The following PHLPP1 variants were observed in gnomAD, a reference collection of about 807,000 sequenced individuals.
PHLPP1 encodes PH domain and leucine rich repeat protein phosphatase 1.
Under a neutral mutation model 117.2 loss-of-function variants are expected in PHLPP1, and 42 were observed. That is an observed-to-expected ratio of 0.36 (90% CI 0.28 to 0.46). The LOEUF is 0.46. Ranked by LOEUF, PHLPP1 falls within the 20% of genes least tolerant of loss-of-function variation. PHLPP1 has a pLI of 1.00. For missense variants in PHLPP1, 2,084 were observed against 2,241.9 expected (o/e 0.93, Z 1.42); for synonymous variants, 1,042 against 970.7 (o/e 1.07, Z -1.37).
chr18:62,761,180 A>G (rs958242818), intron 1 of PHLPP1, among the ~76,000 whole-genome samples: 1 of 152,048 alleles, frequency 6.6e-6, no homozygotes, highest in Non-Finnish European at 1.5e-5. Context: ...TGGCATTTTT[A>G]ATAACAATGC....
intron 11 of PHLPP1, among the ~76,000 whole-genome samples, chr18:62,944,764 C>A (rs1362538204): frequency 6.6e-6 from 1 of 152,198 alleles, no homozygotes; most frequent in Non-Finnish European, 1.5e-5. Flanking sequence ...TGTATTAGTG[C>A]TGGCTTTTGA....
In PHLPP1 at chr18:62,721,154, G is replaced by A. The variant is rs529925181; in HGVS notation, c.1576+3895G>A. ...CCTCTAGTTCAAAGTGGTATTTCTT[G>A]TGAAATGTGGATGGTTCTGTTTATC... On this transcript the variant is annotated intron_variant, in intron 1 of 16. Coordinates refer to ENST00000262719, the MANE Select transcript of PHLPP1 (RefSeq NM_194449.4). 3.3e-5 allele frequency among the ~76,000 whole-genome samples: 5 copies of A among 152,240 alleles called. No homozygotes were observed. In the South Asian group the frequency reaches 8.3e-4, roughly 25 times the overall value.
chr18:62,882,957 A>G (rs1006491720), intron 4 of PHLPP1, among the ~76,000 whole-genome samples: 6 of 151,254 alleles, frequency 4.0e-5, no homozygotes, highest in African/African-American at 1.2e-4. Flanking sequence ...AAAAAAAAAA[A>G]AAAAAGAAAA....
chr18:62,836,909 A>T (rs1003026454), intron 2 of PHLPP1, among the ~76,000 whole-genome samples: 9 of 152,052 alleles, frequency 5.9e-5, no homozygotes, highest in African/African-American at 1.9e-4. Flanking sequence ...GTGAGCTAAG[A>T]TTGCACCACT....
At chr18:62,836,710 A>G (rs901792523) in intron 2 of PHLPP1, among the ~76,000 whole-genome samples, 3 of 151,098 alleles carry the variant, frequency 2.0e-5, no homozygotes, top group Non-Finnish European at 4.4e-5. Context: ...TTACCTGTAA[A>G]GCTATATGGG....
chr18:62,931,599 CA>C (rs35511144), intron 10 of PHLPP1, among the ~76,000 whole-genome samples: 36 of 141,488 alleles, frequency 2.5e-4, no homozygotes, highest in Admixed American at 3.5e-4. Context: ...GCTAGATTAA[CA>C]AAAAAAAAAA....
At chr18:62,912,236 G>A (rs1183723850) in intron 8 of PHLPP1, among the ~76,000 whole-genome samples, 1 of 148,982 alleles carries the variant, frequency 6.7e-6, no homozygotes, top group Non-Finnish European at 1.5e-5. Context: ...GCACTAGCAT[G>A]GGACATGTAT....
At chr18:62,922,576 C>G (rs900596746) in intron 10 of PHLPP1, among the ~76,000 whole-genome samples, 5 of 152,124 alleles carry the variant, frequency 3.3e-5, no homozygotes, top group African/African-American at 1.2e-4. Context: ...TAATGAGAAT[C>G]CACTTGTTCC....
chr18:62,920,366 T>G (rs1820087676), intron 10 of PHLPP1, among the ~76,000 whole-genome samples: 1 of 152,196 alleles, frequency 6.6e-6, no homozygotes, highest in African/African-American at 2.4e-5. Flanking sequence ...ACATGTGTCA[T>G]GGGGATGTAG....
At chr18:62,797,948 T>C (rs142972004) in intron 1 of PHLPP1, among the ~76,000 whole-genome samples, 35 of 152,342 alleles carry the variant, frequency 2.3e-4, no homozygotes, top group African/African-American at 7.0e-4. Context: ...AAATATTTCC[T>C]GTTACATAGT....
intron 1 of PHLPP1, among the ~76,000 whole-genome samples, chr18:62,748,531 C>T (rs1352452523): frequency 9.9e-5 from 15 of 152,114 alleles, no homozygotes; most frequent in Admixed American, 9.2e-4. Flanking sequence ...CAGGGGTGAG[C>T]CACCACGCCC....
intron 1 of PHLPP1, chr18:62,824,152 T>C: frequency 2.2e-6 from 1 of 444,946 alleles, no homozygotes. Context: ...AAAAAAATGT[T>C]GACAGGGATG....
intron 1 of PHLPP1, among the ~76,000 whole-genome samples, chr18:62,808,558 T>C (rs917716856): frequency 6.9e-6 from 1 of 144,544 alleles, no homozygotes; most frequent in South Asian, 2.2e-4. Context: ...TTTTTTTTTG[T>C]TTTTTTTTTT....
intron 3 of PHLPP1, among the ~76,000 whole-genome samples, chr18:62,850,439 A>G (rs932917110): frequency 3.3e-5 from 5 of 151,842 alleles, no homozygotes; most frequent in Non-Finnish European, 7.4e-5. Context: ...GAACCACTTG[A>G]ATAGTATTTG....
chr18:62,965,634 T>G (rs1910879801), intron 14 of PHLPP1, among the ~76,000 whole-genome samples: 1 of 151,474 alleles, frequency 6.6e-6, no homozygotes, highest in Middle Eastern at 3.4e-3. Flanking sequence ...AATTTTTGTA[T>G]TTTTAGTAGA....
At chr18:62,818,745 G>A (rs887415797) in intron 1 of PHLPP1, among the ~76,000 whole-genome samples, 6 of 152,176 alleles carry the variant, frequency 3.9e-5, no homozygotes, top group African/African-American at 1.2e-4. Flanking sequence ...TCTCTTCCAA[G>A]GTAATGTGCT....
At chr18:62,851,495 C>G (rs1427256018) in intron 3 of PHLPP1, among the ~76,000 whole-genome samples, 4 of 152,292 alleles carry the variant, frequency 2.6e-5, no homozygotes, top group Non-Finnish European at 4.4e-5. Context: ...GAGTCTTGCT[C>G]TGTCGCCTAG....
Position 62,905,273 on chromosome 18 carries a change from G to T in PHLPP1, c.2697G>T (p.Met899Ile). ...VYPVPNYLSY[M>I]DVSRNRLENV... ...CAGTTCCAAATTATCTGTCCTACAT[G>T]GATGTTTCAAGGTAAGAAGTCAAGT... The change falls in exon 8 of 17, where the codon ATG becomes ATT. Residue 899 changes from methionine (M) to isoleucine (I), a missense_variant. Physicochemically the swap from Met to Ile is conservative, Grantham distance 10 (BLOSUM62 1). Coordinates refer to ENST00000262719, the MANE Select transcript of PHLPP1 (RefSeq NM_194449.4). 1 of 1,505,378 alleles carries T rather than the reference G, an allele frequency of 6.6e-7. No homozygotes were observed. Among genetic ancestry groups the T allele is most frequent in the South Asian group, 1.5e-5 (1 of 66,932 alleles). 93.3% of individuals were successfully genotyped at this position (1,505,378 alleles called of 1,614,324 possible).
intron 3 of PHLPP1, among the ~76,000 whole-genome samples, chr18:62,849,388 C>T (rs749341075): frequency 1.1e-4 from 16 of 152,154 alleles, no homozygotes; most frequent in East Asian, 3.9e-4. Context: ...CGGCCAGACA[C>T]GGTGGCTCAT....
Sources: allele counts gnomAD v4.1 joint callset (sites outside exome capture counted in the v4.1 genomes callset), GRCh38; gene constraint gnomAD v4.1.1; transcripts MANE v1.5; gene names NCBI Gene and HGNC (gene_info 2026-07-23, HGNC 2026-07-21).